Variants in ADCY6 observed in about 807,000 individuals in gnomAD.
ADCY6 encodes the protein adenylate cyclase 6, also known as adenylate cyclase type 6.
ADCY6 carries 59 observed loss-of-function variants against 111.6 expected under a neutral mutation model. The ratio of observed to expected loss-of-function variants is 0.53; its 90% confidence interval spans 0.43 to 0.66. The LOEUF (loss-of-function observed/expected upper bound fraction) is 0.66, where lower values mean the gene tolerates loss of function less well. ADCY6 is among the 30% of genes least tolerant of loss of function. ADCY6 has a pLI of 0.00. For synonymous variants in ADCY6, 576 were observed against 642.9 expected (o/e 0.90, Z 1.57); for missense variants, 1,242 against 1,595.6 (o/e 0.78, Z 3.78).
Position 48,773,584 on chromosome 12 carries a change from T to A in ADCY6, c.2506A>T (p.Ile836Phe). Residue 836 changes from isoleucine (I) to phenylalanine (F), a missense_variant, in exon 16 of 22, where the codon ATC (isoleucine) becomes TTC (phenylalanine). By Grantham distance (21) the Ile-to-Phe change is conservative. Coordinates refer to ENST00000357869, the MANE Select transcript of ADCY6 (RefSeq NM_015270.5). The part of the protein sequence containing the change: ...ASSVFLHISS[I>F]GKLAMIFVLG... ...ACAAAGATCATGGCCAACTTCCCGA[T>A]GCTGCTGATGTGCAGGAAGACAGAG... 6 of 1,614,134 alleles carry A rather than the reference T, an allele frequency of 3.7e-6. No homozygotes were observed. The highest frequency in any genetic ancestry group is 5.1e-6 in the Non-Finnish European group (6 of 1,180,010).
At chr12:48,787,716 T>C (rs1019237528) in intron 1 of ADCY6, among the ~76,000 whole-genome samples, 1 of 152,098 alleles carries the variant, frequency 6.6e-6, no homozygotes, top group African/African-American at 2.4e-5. Context: ...TACCTTCTCC[T>C]CCCCTGAGTG....
rs756496978 is a variant in ADCY6, at chr12:48,776,636, A to T, written c.1377-50T>A. ...GCTCCTGGCAGTCTTCCCCTCCCCC[A>T]GCCCACAACCCAGGCCCTTCACTCC... On this transcript the variant is annotated intron_variant, in intron 6 of 21. Coordinates refer to ENST00000357869, the MANE Select transcript of ADCY6 (RefSeq NM_015270.5). The surrounding 1 kb of genome is among the most constrained non-coding windows in gnomAD (Gnocchi z 6.1). 2 of 1,566,816 alleles carry T rather than the reference A, an allele frequency of 1.3e-6. No homozygotes were observed. Among genetic ancestry groups the T allele is most frequent in the Non-Finnish European group, 8.6e-7 (1 of 1,160,324 alleles).
rs1941887777 is a variant in ADCY6 at position 48,782,936 on chromosome 12, G to A, written c.499C>T (p.Leu167=). 1 of 1,613,358 alleles carries A rather than the reference G, an allele frequency of 6.2e-7. No individual in the cohort carries two copies. The highest frequency in any genetic ancestry group is 8.5e-7 in the Non-Finnish European group (1 of 1,179,918). Residue 167 remains leucine (L), a synonymous_variant, in exon 2 of 22, where the codon CTG becomes TTG. Transcript: ENST00000357869. This position sits in a 1 kb window ranked among gnomAD's most constrained non-coding sequence, Gnocchi z 4.3. ...AVLVLLTAVL[L]AFHAAPARPQ... is the part of the protein sequence containing the mutation. The stretch of plus-strand genomic sequence containing the variant: ...CGGGCGGGTGCGGCGTGGAAAGCCA[G>A]CAGCACCGCTGTGAGCAGCACCAGC...
intron 20 of ADCY6, among the ~76,000 whole-genome samples, chr12:48,769,480 T>C (rs1416180125): frequency 6.6e-6 from 1 of 150,974 alleles, no homozygotes; most frequent in Non-Finnish European, 1.5e-5. Flanking sequence ...CACCTCAGTT[T>C]AGGAGCTCCC....
chr12:48,769,433 A>T (rs890276016), intron 20 of ADCY6, among the ~76,000 whole-genome samples: 1 of 150,770 alleles, frequency 6.6e-6, no homozygotes, highest in Non-Finnish European at 1.5e-5. Context: ...AAAAAAAAAA[A>T]ACCCAAAAAA....
intron 15 of ADCY6, 61 bp from the exon 16 acceptor site, chr12:48,773,708 G>A (rs755285012): frequency 1.5e-5 from 24 of 1,594,920 alleles, no homozygotes; most frequent in African/African-American, 1.3e-4. Flanking sequence ...CTTGGGCAGG[G>A]AGAGCCCTGC....
In ADCY6 at chr12:48,773,950, C is replaced by T. The variant is rs1455107087; in HGVS notation, c.2432G>A (p.Ser811Asn). ...GCACTGCTCGAACACCTCAGGAAAG[C>T]TGCAGGTGGGCATGGTGCCCTCACA... is the stretch of plus-strand genomic sequence containing the variant. Reference protein sequence around the residue: ...PLCEGTMPTCSFPEYFIGNML... With the variant: ...PLCEGTMPTCNFPEYFIGNML... Residue 811 changes from serine (S) to asparagine (N), a missense_variant, in exon 15 of 22, where the codon AGC (serine) becomes AAC (asparagine). Physicochemically the swap from Ser to Asn is conservative, Grantham distance 46. This residue lies in a region of ADCY6 where 375 missense variants were observed against 432.5 expected (regional missense o/e 0.87). Coordinates refer to ENST00000357869, the MANE Select transcript of ADCY6 (RefSeq NM_015270.5). The T allele has an allele frequency of 3.1e-6, 5 of 1,613,706 alleles. No individual in the cohort carries two copies. The African/African-American group carries it at 4.0e-5, about 13-fold the overall frequency.
chr12:48,771,290 C>T lies in ADCY6; in HGVS notation c.3052-320G>A. ...GAGTCCCAGAGTGAGCAAGTGACTT[C>T]CCTCCAGAACAGTGAACAGCCCATT... On this transcript the variant is annotated intron_variant, in intron 19 of 21. Coordinates refer to ENST00000357869, the MANE Select transcript of ADCY6 (RefSeq NM_015270.5). This position sits in a 1 kb window ranked among gnomAD's most constrained non-coding sequence, Gnocchi z 4.3. The T allele has an allele frequency of 2.1e-6, 1 of 482,354 alleles. No individual in the cohort carries two copies. 29.9% of individuals were successfully genotyped at this position (482,354 alleles called of 1,614,324 possible).
intron 18 of ADCY6, 39 bp from the exon 19 acceptor site, chr12:48,772,012 A>C (rs1941560838): frequency 1.3e-6 from 2 of 1,581,116 alleles, no homozygotes; most frequent in African/African-American, 2.7e-5. Context: ...CCCGACATTC[A>C]CAAGGGGTAG....
chr12:48,772,042 G>C, intron 18 of ADCY6, 69 bp from the exon 19 acceptor site: 1 of 1,543,888 alleles, frequency 6.5e-7, no homozygotes, highest in Non-Finnish European at 8.7e-7. Flanking sequence ...CCAAGGCTTG[G>C]AAGTGCGGAT....
chr12:48,773,152 C>T (rs557677936), intron 16 of ADCY6, among the ~76,000 whole-genome samples: 1 of 152,254 alleles, frequency 6.6e-6, no homozygotes, highest in Non-Finnish European at 1.5e-5. Flanking sequence ...TGGTTCCTAA[C>T]CAGAGCCCTG....
intron 14 of ADCY6, 39 bp from the exon 15 acceptor site, chr12:48,774,137 G>T: frequency 6.4e-7 from 1 of 1,571,984 alleles, no homozygotes; most frequent in Non-Finnish European, 8.7e-7. Context: ...AACCAAGGAG[G>T]GAAAGGGTTG....
intron 1 of ADCY6, among the ~76,000 whole-genome samples, chr12:48,786,650 A>G (rs1195720835): frequency 6.6e-6 from 1 of 152,216 alleles, no homozygotes; most frequent in East Asian, 1.9e-4. Context: ...GGCATGAGCC[A>G]CCATGCCTGG....
In ADCY6 at chr12:48,777,104, G is replaced by C; in HGVS notation, c.1376C>G (p.Ser459Trp). The change falls in exon 6 of 22, where the codon TCG (serine) becomes TGG (tryptophan). Residue 459 changes from serine (S) to tryptophan (W), a missense_variant and splice_region_variant. Ser to Trp is a radical substitution (Grantham distance 177). Coordinates refer to ENST00000357869, the MANE Select transcript of ADCY6 (RefSeq NM_015270.5). The surrounding 1 kb of genome is among the most constrained non-coding windows in gnomAD (Gnocchi z 4.9). ...AGCCTAGGAATGGGGCACTGCTTACGAGATGGCCTCAATCATGTCTACCCC... is the reference window on the plus strand; with the variant it reads ...AGCCTAGGAATGGGGCACTGCTTACCAGATGGCCTCAATCATGTCTACCCC... Reference protein sequence around the residue: ...EMGVDMIEAISLVREVTGVNV... With the variant: ...EMGVDMIEAIWLVREVTGVNV... 1.9e-6 allele frequency: 3 copies of C among 1,598,646 alleles called. No homozygotes were observed. The highest frequency in any genetic ancestry group is 2.6e-6 in the Non-Finnish European group (3 of 1,171,968).
chr12:48,784,664 A>ATTTTTTTT (rs1941942083), intron 1 of ADCY6, among the ~76,000 whole-genome samples: 5 of 84,218 alleles, frequency 5.9e-5, no homozygotes, highest in Admixed American at 1.1e-4. Flanking sequence ...AAAAATCTGG[A>ATTTTTTTT]GTTTTTTTTT....
Position 48,777,158 on chromosome 12 carries a change from G to A in ADCY6, c.1322C>T (p.Ala441Val). The A allele has an allele frequency of 6.2e-7, 1 of 1,613,902 alleles. No individual in the cohort carries two copies. The highest frequency in any genetic ancestry group is 8.5e-7 in the Non-Finnish European group (1 of 1,179,916). ...CTCCACACAGCAGTGGGCATGGTCG[G>A]CCCGGGCCTCCGGCAGCCCTGACAC... ...YCVSGLPEAR[A>V]DHAHCCVEMG... is the part of the protein sequence containing the mutation. The change falls in exon 6 of 22, where the codon GCC becomes GTC. Residue 441 changes from alanine (A) to valine (V), a missense_variant. Around this residue, in one of 4 missense-constraint regions of ADCY6, gnomAD observed 260 missense variants for 414.6 expected, o/e 0.63. Transcript: ENST00000357869. The surrounding 1 kb of genome is among the most constrained non-coding windows in gnomAD (Gnocchi z 4.9).
At position 48,777,039 on chromosome 12, in the gene ADCY6, CA is replaced by C; in HGVS notation, c.1376+64del. 6.6e-7 allele frequency: 1 copy of C among 1,521,346 alleles called. No individual in the cohort carries two copies. The allele number at this position is 1,521,346 out of a possible 1,614,324, so 94.2% of individuals were successfully genotyped here. A position where few individuals can be genotyped will look rare whatever the true frequency, so the allele number is the denominator to read the frequency against. ...CTGAGGAAATCTCCTGAGGTCTCATCAAAAAGTAGGAGCAGTCTGGGGCACC... is the reference window on the plus strand; with the variant it reads ...CTGAGGAAATCTCCTGAGGTCTCATCAAAAGTAGGAGCAGTCTGGGGCACC... On this transcript the variant is annotated intron_variant, in intron 6 of 21. Transcript: ENST00000357869. The surrounding 1 kb of genome is among the most constrained non-coding windows in gnomAD (Gnocchi z 4.9).
rs1374489426 is a variant in ADCY6 at position 48,782,773 on chromosome 12, G to A, written c.662C>T (p.Ala221Val). 8 of 1,612,642 alleles carry A rather than the reference G, an allele frequency of 5.0e-6. No homozygotes were observed. The highest frequency in any genetic ancestry group is 5.9e-6 in the Non-Finnish European group (7 of 1,179,410). Reference protein sequence around the residue: ...VSYVVLGILAAVQVGGALAAD... With the variant: ...VSYVVLGILAVVQVGGALAAD... ...TGCGAGAGCGCCCCCGACCTGCACT[G>A]CCGCCAGGATGCCCAGCACCACGTA... The change falls in exon 2 of 22, where the codon GCA becomes GTA. Residue 221 changes from alanine (A) to valine (V), a missense_variant. This residue lies in a region of ADCY6 where 362 missense variants were observed against 377.2 expected (regional missense o/e 0.96). Transcript: ENST00000357869. The surrounding 1 kb of genome is among the most constrained non-coding windows in gnomAD (Gnocchi z 4.3).
At chr12:48,774,262 G>A in intron 14 of ADCY6, 140 bp downstream of exon 14, 2 of 1,073,118 alleles carry the variant, frequency 1.9e-6, no homozygotes, top group Non-Finnish European at 2.8e-6. Context: ...CAAGGAAGGA[G>A]AACCGGAGTT....
Sources: gnomAD v4.1 joint callset for allele counts (sites outside exome capture counted in the v4.1 genomes callset) on GRCh38, gnomAD v4.1.1 for gene constraint, gnomAD v4.1.1 regional missense constraint, Gnocchi (gnomAD v3.1) non-coding constraint, MANE v1.5 for transcripts, NCBI Gene and HGNC (gene_info 2026-07-23, HGNC 2026-07-21) for gene names.